Variants in GRM7 observed in about 807,000 individuals in gnomAD.
The protein encoded by GRM7 is metabotropic glutamate receptor 7.
In GRM7, 35 loss-of-function variants were observed where a neutral mutation model predicts 84.5. The ratio of observed to expected loss-of-function variants is 0.41; its 90% CI spans 0.32 to 0.55. The LOEUF is 0.55. Ranked by LOEUF, GRM7 falls within the 20% of genes least tolerant of loss-of-function variation. GRM7 has a pLI of 0.19. For missense variants in GRM7, 1,003 were observed against 1,194.6 expected, an observed-to-expected ratio of 0.84 and a Z score of 2.36; for synonymous variants, 487 against 455.1, an observed-to-expected ratio of 1.07 and a Z score of -0.89.
intron 1 of GRM7, among the ~76,000 whole-genome samples, chr3:6,952,330 T>C (rs1276821378): frequency 1.3e-5 from 2 of 151,624 alleles, no homozygotes; most frequent in Non-Finnish European, 3.0e-5. Flanking sequence ...TGTGTGCGCC[T>C]ATTACCTCTA....
chr3:7,161,704 A>G (rs559636377), intron 2 of GRM7, among the ~76,000 whole-genome samples: 1 of 152,320 alleles, frequency 6.6e-6, no homozygotes, highest in South Asian at 2.1e-4. Context: ...TACTTCTATT[A>G]TTTATTCAAC....
chr3:7,269,804 A>G (rs1037308560), intron 2 of GRM7, among the ~76,000 whole-genome samples: 2 of 152,030 alleles, frequency 1.3e-5, no homozygotes, highest in African/African-American at 4.8e-5. Context: ...TTCTTCTCTT[A>G]TATTTGTCTC....
chr3:7,363,538 T>C (rs1255039751), intron 4 of GRM7, among the ~76,000 whole-genome samples: 3 of 152,140 alleles, frequency 2.0e-5, no homozygotes, highest in Admixed American at 6.6e-5. Flanking sequence ...CTTATGATTA[T>C]ATACAAGTTT....
chr3:7,220,874 C>T (rs1696778029), intron 2 of GRM7, among the ~76,000 whole-genome samples: 1 of 152,150 alleles, frequency 6.6e-6, no homozygotes. Flanking sequence ...AGCCTCATTG[C>T]ATGAGCTCAG....
intron 9 of GRM7, among the ~76,000 whole-genome samples, chr3:7,733,135 C>G (rs574457467): frequency 2.9e-4 from 44 of 152,262 alleles, no homozygotes; most frequent in African/African-American, 1.1e-3. Context: ...TGACCTGTAT[C>G]TTGTGCCAAC....
At chr3:7,564,657 A>T (rs558759223) in intron 7 of GRM7, among the ~76,000 whole-genome samples, 15 of 152,266 alleles carry the variant, frequency 9.9e-5, no homozygotes, top group African/African-American at 2.4e-4. Context: ...ATATATATAT[A>T]TTTTTAAATT....
chr3:7,720,015 A>G (rs2106518765), intron 9 of GRM7, among the ~76,000 whole-genome samples: 1 of 152,282 alleles, frequency 6.6e-6, no homozygotes, highest in African/African-American at 2.4e-5. Context: ...GATGGTCATA[A>G]TAAGAGTATA....
chr3:7,053,789 A>G (rs1476288024), intron 1 of GRM7, among the ~76,000 whole-genome samples: 1 of 151,420 alleles, frequency 6.6e-6, no homozygotes, highest in Admixed American at 6.6e-5. Context: ...GAAGTCAGCT[A>G]ATGTAAGTCC....
At chr3:7,270,551 A>G (rs972699442) in intron 2 of GRM7, among the ~76,000 whole-genome samples, 6 of 152,082 alleles carry the variant, frequency 3.9e-5, no homozygotes, top group African/African-American at 1.4e-4. Flanking sequence ...TTTACTATCC[A>G]GGGATCTTCT....
intron 4 of GRM7, among the ~76,000 whole-genome samples, chr3:7,375,763 A>G (rs1037323140): frequency 6.6e-6 from 1 of 151,982 alleles, no homozygotes; most frequent in Non-Finnish European, 1.5e-5. Context: ...ATCCTCCTCT[A>G]TTTTAGCACT....
At chr3:7,511,711 A>G (rs1305046770) in intron 7 of GRM7, among the ~76,000 whole-genome samples, 5 of 152,338 alleles carry the variant, frequency 3.3e-5, no homozygotes, top group African/African-American at 1.2e-4. Context: ...GCTGTCCTGG[A>G]GATTTCTCAA....
chr3:7,354,393 G>A (rs770827776), intron 4 of GRM7, among the ~76,000 whole-genome samples: 2 of 151,974 alleles, frequency 1.3e-5, no homozygotes, highest in African/African-American at 4.8e-5. Flanking sequence ...TCCACCCTAT[G>A]GTTATTTTCC....
chr3:7,222,905 G>C (rs1368242747), intron 2 of GRM7, among the ~76,000 whole-genome samples: 3 of 152,164 alleles, frequency 2.0e-5, no homozygotes, highest in African/African-American at 7.2e-5. Flanking sequence ...ACTGGACTGT[G>C]TAAGAATATT....
chr3:6,916,406 G>T (rs923949770), intron 1 of GRM7, among the ~76,000 whole-genome samples: 5 of 152,306 alleles, frequency 3.3e-5, no homozygotes, highest in Admixed American at 6.5e-5. Flanking sequence ...GAGACCAGAG[G>T]AATGCATTAA....
intron 8 of GRM7, among the ~76,000 whole-genome samples, chr3:7,661,363 G>T (rs549307091): frequency 5.9e-5 from 9 of 152,202 alleles, no homozygotes; most frequent in African/African-American, 1.7e-4. Flanking sequence ...ATCACCAGTC[G>T]TTAGAAAAAC....
At chr3:7,579,505 G>T in intron 8 of GRM7, 148 bp downstream of exon 8, 1 of 564,584 alleles carries the variant, frequency 1.8e-6, no homozygotes. Context: ...GGTCTAGTAG[G>T]CTTCAATGCT....
intron 7 of GRM7, among the ~76,000 whole-genome samples, chr3:7,485,539 CT>C (rs1699288925): frequency 6.6e-6 from 1 of 152,168 alleles, no homozygotes; most frequent in Non-Finnish European, 1.5e-5. Context: ...ATACCTTTTC[CT>C]TTTGAAATAA....
rs577556367 is a variant in GRM7, at chr3:6,861,397, G to C, written c.9G>C (p.Gln3His). MV[Q>H]LRKLLRVLTL... ...GCAGCAGCCGGAGCAGCATGGTCCAGCTGAGGAAGCTGCTCCGCGTCCTGA... is the reference window on the plus strand; with the variant it reads ...GCAGCAGCCGGAGCAGCATGGTCCACCTGAGGAAGCTGCTCCGCGTCCTGA... The change falls in exon 1 of 10, where the codon CAG becomes CAC. Residue 3 changes from glutamine to histidine, a missense_variant. Transcript: ENST00000357716. This position sits in a 1 kb window ranked among gnomAD's most constrained non-coding sequence, Gnocchi z 6.4. 8 of 1,575,810 alleles carry C rather than the reference G, an allele frequency of 5.1e-6. No individual in the cohort carries two copies. The highest frequency in any genetic ancestry group is 2.3e-5 in the East Asian group (1 of 44,376).
chr3:7,731,818 C>T (rs1702342378), intron 9 of GRM7, among the ~76,000 whole-genome samples: 2 of 152,150 alleles, frequency 1.3e-5, no homozygotes, highest in Admixed American at 6.5e-5. Context: ...GGATCGCCAG[C>T]GCCCCCACTC....
Sources: allele counts gnomAD v4.1 joint callset (sites outside exome capture counted in the v4.1 genomes callset), GRCh38; gene constraint gnomAD v4.1.1; non-coding constraint Gnocchi (gnomAD v3.1); transcripts MANE v1.5; gene names NCBI Gene and HGNC (gene_info 2026-07-23, HGNC 2026-07-21).